The following GTF3C3 variants were observed in gnomAD, a reference collection of about 807,000 sequenced individuals.
GTF3C3 encodes general transcription factor 3C polypeptide 3.
Under a neutral mutation model 105.2 loss-of-function variants are expected in GTF3C3, and 75 were observed. That is an observed-to-expected ratio of 0.71 (90% CI 0.59 to 0.86). The LOEUF is 0.86. Ranked by LOEUF, GTF3C3 falls within the 40% of genes least tolerant of loss-of-function variation. The probability of loss-of-function intolerance (pLI) is 0.00; values close to 1 mark genes in which losing one functional copy is unlikely to be tolerated. For synonymous variants in GTF3C3, 335 were observed against 370.4 expected, an observed-to-expected ratio of 0.90 and a Z score of 1.10; for missense variants, 856 against 1,076.5, an observed-to-expected ratio of 0.80 and a Z score of 2.87.
intron 5 of GTF3C3, among the ~76,000 whole-genome samples, 171 bp from the exon 6 acceptor site, chr2:196,789,540 G>A (rs916063882): frequency 5.9e-5 from 9 of 152,198 alleles, no homozygotes; most frequent in Non-Finnish European, 1.0e-4. Context: ...TTTGATGTAA[G>A]AGCAGATAGA....
chr2:196,772,961 GCAGA>G lies in GTF3C3; in HGVS notation c.2020_2023del (p.Ser674LeufsTer17), dbSNP rs772673623. On this transcript the variant is annotated frameshift_variant, in exon 14 of 18. Coordinates refer to ENST00000263956, the MANE Select transcript of GTF3C3 (RefSeq NM_012086.5). LOFTEE classifies it high-confidence loss of function. ...TCTGAAATTTTTGTCCAGAATTGCAGCAGACAGACCAAAGTATTCTAGTTCTTTG... is the reference window on the plus strand; with the variant it reads ...TCTGAAATTTTTGTCCAGAATTGCAGCAGACCAAAGTATTCTAGTTCTTTG... The G allele has an allele frequency of 1.3e-6, 2 of 1,599,652 alleles. No homozygotes were observed. Among genetic ancestry groups the G allele is most frequent in the South Asian group, 2.3e-5 (2 of 87,874 alleles).
chr2:196,799,370 G>T (rs944548420), intron 1 of GTF3C3, 140 bp downstream of exon 1: 3 of 651,278 alleles, frequency 4.6e-6, no homozygotes, highest in Non-Finnish European at 8.2e-6. Flanking sequence ...GTGAAAACCG[G>T]AGTTTCTGTA....
At position 196,778,985 on chromosome 2, in the gene GTF3C3, A is replaced by G; in HGVS notation, c.1301T>C (p.Val434Ala). Residue 434 changes from valine (V) to alanine (A), a missense_variant, in exon 10 of 18, where the codon GTT becomes GCT. Physicochemically the swap from Val to Ala is moderately conservative, Grantham distance 64. Transcript: ENST00000263956. The stretch of plus-strand genomic sequence containing the variant: ...GGGAAGTGCAGAATTATATTCACCA[A>G]CATCCAGAAAAGCTTCAGCAACATC... ...YLDVAEAFLD[V>A]GEYNSALPLL... 2 of 1,613,696 alleles carry G rather than the reference A, an allele frequency of 1.2e-6. No homozygotes were observed. The highest frequency in any genetic ancestry group is 8.5e-7 in the Non-Finnish European group (1 of 1,179,616).
At chr2:196,766,921 G>A in intron 16 of GTF3C3, 4 of 361,622 alleles carry the variant, frequency 1.1e-5, no homozygotes, top group Admixed American at 4.4e-5. Flanking sequence ...TTTTAGCTAG[G>A]GATAAATATT....
Position 196,773,081 on chromosome 2 carries a change from G to C in GTF3C3, c.1904C>G (p.Ser635Cys). The change falls in exon 14 of 18, where the codon TCC becomes TGC. Residue 635 changes from serine to cysteine, a missense_variant. This residue lies in a region of GTF3C3 where 605 missense variants were observed against 833.6 expected (regional missense o/e 0.73). Transcript: ENST00000263956. Reference sequence around the variant, plus strand: ...TTGAAATCGGGATAGGTCACATAAGGAGTATATGGCCTTCAACAGAAGATT... The same window carrying C: ...TTGAAATCGGGATAGGTCACATAAGCAGTATATGGCCTTCAACAGAAGATT... ...WWNLLLKAIY[S>C]LCDLSRFQEA... 1 of 1,612,932 alleles carries C rather than the reference G, an allele frequency of 6.2e-7. No individual in the cohort carries two copies. Among genetic ancestry groups the C allele is most frequent in the Non-Finnish European group, 8.5e-7 (1 of 1,178,972 alleles).
chr2:196,797,334 C>A (rs1027827134), intron 2 of GTF3C3, among the ~76,000 whole-genome samples: 2 of 152,206 alleles, frequency 1.3e-5, no homozygotes, highest in African/African-American at 4.8e-5. Flanking sequence ...AATGAGGTAG[C>A]CTACCAAGAC....
In GTF3C3 at chr2:196,789,367, GA is replaced by G. The variant is rs1699508695; in HGVS notation, c.729del (p.Lys245AsnfsTer34). On this transcript the variant is annotated frameshift_variant and splice_region_variant, in exon 6 of 18. Coordinates refer to ENST00000263956, the MANE Select transcript of GTF3C3 (RefSeq NM_012086.5). LOFTEE classifies it high-confidence loss of function. The stretch of plus-strand genomic sequence containing the variant: ...CGGACATTAGTAGGTTCATATTTAA[GA>G]GCTAAAAAGAAAGAAATACAAATTA... ...IKQAIFCYTK[A>X]LKYEPTNVRY... 3 of 1,577,856 alleles carry G rather than the reference GA, an allele frequency of 1.9e-6. No individual in the cohort carries two copies. Among genetic ancestry groups the G allele is most frequent in the Non-Finnish European group, 2.6e-6 (3 of 1,162,162 alleles).
Position 196,767,481 on chromosome 2 carries a change from T to C in GTF3C3, c.2386-764A>G, listed in dbSNP as rs558120949. Among the ~76,000 whole-genome samples, 629 of 152,330 alleles carry C rather than the reference T, an allele frequency of 4.1e-3. 2 individuals carry two copies. Among genetic ancestry groups the C allele is most frequent in the Middle Eastern group, 0.024 (7 of 294 alleles). The stretch of plus-strand genomic sequence containing the variant: ...TTAAGAATAAATCAATTTATGAATA[T>C]AGAATATAAAATGTAATTATTCTCT... On this transcript the variant is annotated intron_variant, in intron 16 of 17. Coordinates refer to ENST00000263956, the MANE Select transcript of GTF3C3 (RefSeq NM_012086.5).
At chr2:196,774,903 G>A (rs1236266187) in intron 13 of GTF3C3, 8 of 367,392 alleles carry the variant, frequency 2.2e-5, no homozygotes, top group Non-Finnish European at 3.9e-5. Context: ...CCAAGCAGAT[G>A]CTTTCCTTTT....
chr2:196,775,216 G>A lies in GTF3C3; in HGVS notation c.1731C>T (p.Ser577=). 6.2e-7 allele frequency: 1 copy of A among 1,606,944 alleles called. No homozygotes were observed. Among genetic ancestry groups the A allele is most frequent in the Non-Finnish European group, 8.5e-7 (1 of 1,177,134 alleles). Residue 577 remains serine (S), a synonymous_variant, in exon 13 of 18, where the codon TCC becomes TCT. Coordinates refer to ENST00000263956, the MANE Select transcript of GTF3C3 (RefSeq NM_012086.5). ...GATGCCTCTCTCCAGACTTGGAACTGGATATCAAACAAACTTGGGCTCGAT... is the reference window on the plus strand; with the variant it reads ...GATGCCTCTCTCCAGACTTGGAACTAGATATCAAACAAACTTGGGCTCGAT... ...AMNRAQVCLI[S]SSKSGERHLY...
intron 8 of GTF3C3, among the ~76,000 whole-genome samples, chr2:196,781,387 T>TATATATATATAA (rs1387409452): frequency 1.7e-5 from 2 of 119,498 alleles, no homozygotes; most frequent in Non-Finnish European, 3.5e-5. Flanking sequence ...TATATATATA[T>TATATATATATAA]AAAATTAAAT....
rs1198611462 is a variant in GTF3C3, at chr2:196,764,670, G to GGTC, written c.2551_2553dup (p.Asp851dup). On this transcript the variant is annotated inframe_insertion, in exon 18 of 18. Coordinates refer to ENST00000263956, the MANE Select transcript of GTF3C3 (RefSeq NM_012086.5). The stretch of plus-strand genomic sequence containing the variant: ...GCAATATCTCTTCGTAAGTCTAACT[G>GGTC]GTCAAGTTCTATACCCTAGGGAGAA... The GGTC allele has an allele frequency of 6.2e-7, 1 of 1,611,216 alleles. No homozygotes were observed. Among genetic ancestry groups the GGTC allele is most frequent in the Admixed American group, 1.7e-5 (1 of 60,006 alleles).
intron 16 of GTF3C3, 53 bp downstream of exon 16, chr2:196,769,862 T>C: frequency 7.0e-7 from 1 of 1,435,440 alleles, no homozygotes; most frequent in Non-Finnish European, 9.7e-7. Context: ...GTATTAAGTA[T>C]ATTCATTTTT....
chr2:196,770,413 T>C (rs1381832355), intron 15 of GTF3C3, among the ~76,000 whole-genome samples: 1 of 152,228 alleles, frequency 6.6e-6, no homozygotes, highest in African/African-American at 2.4e-5. Context: ...AACATTTTTA[T>C]AGAATCAACT....
chr2:196,794,885 C>T (rs1699613975), intron 2 of GTF3C3, among the ~76,000 whole-genome samples: 1 of 151,886 alleles, frequency 6.6e-6, no homozygotes, highest in African/African-American at 2.4e-5. Flanking sequence ...TGAGCCACCA[C>T]ACCTGGCTAA....
At position 196,764,658 on chromosome 2, in the gene GTF3C3, G is replaced by C. The variant is rs774688614; in HGVS notation, c.2566C>G (p.Arg856Gly). 9.9e-6 allele frequency: 16 copies of C among 1,611,504 alleles called. No homozygotes were observed. Among genetic ancestry groups the C allele is most frequent in the Non-Finnish European group, 1.3e-5 (15 of 1,177,756 alleles). ...EGIELDQLDL[R>G]RDIAYNLSLI... ...GACAAGTTGTAGGCAATATCTCTTC[G>C]TAAGTCTAACTGGTCAAGTTCTATA... Residue 856 changes from arginine (R) to glycine (G), a missense_variant, in exon 18 of 18, where the codon CGA becomes GGA. Physicochemically the swap from Arg to Gly is moderately radical, Grantham distance 125. Around this residue, in one of 3 missense-constraint regions of GTF3C3, gnomAD observed 134 missense variants for 128.9 expected, o/e 1.04. Transcript: ENST00000263956.
rs555178972 is a variant in GTF3C3, at chr2:196,793,037, TTCCTCC to T, written c.324_329del (p.Glu110_Glu111del). The T allele has an allele frequency of 0.011, 18,218 of 1,611,246 alleles. 153 individuals carry two copies. Among genetic ancestry groups the T allele is most frequent in the Non-Finnish European group, 0.013 (15,683 of 1,177,730 alleles). ...CCGCAGTGGGTTGCTCAGGTGTTTC[TTCCTCC>T]TCCTCCTCCTCCTCCTCTTCTTCCT... On this transcript the variant is annotated inframe_deletion, in exon 3 of 18. Transcript: ENST00000263956.
intron 16 of GTF3C3, among the ~76,000 whole-genome samples, chr2:196,767,585 G>T (rs1209603616): frequency 6.6e-6 from 1 of 152,058 alleles, no homozygotes; most frequent in African/African-American, 2.4e-5. Context: ...TATTTTAAAT[G>T]AATGCATTTT....
chr2:196,780,251 C>G, intron 9 of GTF3C3: 1 of 1,012,178 alleles, frequency 9.9e-7, no homozygotes, highest in Non-Finnish European at 1.2e-6. Flanking sequence ...GTCCAAAGTC[C>G]GCAAAAAAGA....
Sources: allele counts gnomAD v4.1 joint callset (sites outside exome capture counted in the v4.1 genomes callset), GRCh38; gene constraint gnomAD v4.1.1; regional missense constraint gnomAD v4.1.1; transcripts MANE v1.5; gene names NCBI Gene and HGNC (gene_info 2026-07-23, HGNC 2026-07-21).